FRMD4A: variants seen among roughly 807,000 people sequenced by gnomAD.
FRMD4A encodes the protein FERM domain containing 4A.
In FRMD4A, 29 loss-of-function variants were observed where a neutral mutation model predicts 129.1. The observed-to-expected ratio is 0.22, with a 90% CI of 0.17 to 0.31. The LOEUF is 0.31. FRMD4A is among the 10% of genes least tolerant of loss of function. FRMD4A has a pLI of 1.00. For synonymous variants in FRMD4A, 634 were observed against 571.6 expected (o/e 1.11, Z -1.56); for missense variants, 1,272 against 1,375.8 (o/e 0.92, Z 1.19).
intron 2 of FRMD4A, among the ~76,000 whole-genome samples, chr10:14,138,217 G>A (rs1839645217): frequency 6.6e-6 from 1 of 152,152 alleles, no homozygotes; most frequent in Non-Finnish European, 1.5e-5. Context: ...CCCAGTGTCA[G>A]GTGTTGGTAA....
intron 2 of FRMD4A, among the ~76,000 whole-genome samples, chr10:14,151,028 T>G (rs1191048676): frequency 1.3e-5 from 2 of 152,184 alleles, no homozygotes. Flanking sequence ...GAGTCTAAGA[T>G]TGAGGTTATT....
chr10:14,086,244 C>G (rs1225485606), intron 2 of FRMD4A, among the ~76,000 whole-genome samples: 1 of 152,196 alleles, frequency 6.6e-6, no homozygotes, highest in East Asian at 1.9e-4. Context: ...GGTTTCTACC[C>G]TGGTAATAAA....
At position 13,971,419 on chromosome 10, in the gene FRMD4A, G is replaced by A. The variant is rs577600892; in HGVS notation, c.46-112507C>T. 5.3e-5 allele frequency among the ~76,000 whole-genome samples: 8 copies of A among 152,256 alleles called. No individual in the cohort carries two copies. The South Asian group carries it at 8.3e-4, about 16-fold the overall frequency. On this transcript the variant is annotated intron_variant, in intron 2 of 24. Transcript: ENST00000357447. Reference sequence around the variant, plus strand: ...AAGATGGTGACATAGGCACTTCCTCGATCCGGTGGCTTTGAAAGCTGAATT... The same window carrying A: ...AAGATGGTGACATAGGCACTTCCTCAATCCGGTGGCTTTGAAAGCTGAATT...
At chr10:13,714,031 T>TATATAAAATATATA (rs1340745954) in intron 12 of FRMD4A, among the ~76,000 whole-genome samples, 2 of 30,614 alleles carry the variant, frequency 6.5e-5, no homozygotes, top group South Asian at 7.7e-4. Flanking sequence ...AATATACATA[T>TATATAAAATATATA]ATATATATAT....
chr10:14,080,975 T>C (rs1835895982), intron 2 of FRMD4A, among the ~76,000 whole-genome samples: 1 of 151,940 alleles, frequency 6.6e-6, no homozygotes, highest in Admixed American at 6.6e-5. Flanking sequence ...GTCATCTCTG[T>C]AAGTGGAGAC....
chr10:13,847,424 A>T (rs891528345), intron 3 of FRMD4A, among the ~76,000 whole-genome samples: 3 of 152,134 alleles, frequency 2.0e-5, no homozygotes, highest in Non-Finnish European at 4.4e-5. Flanking sequence ...ATTTCCCCAG[A>T]CCGTTCGCTT....
At chr10:13,928,737 C>T (rs530852436) in intron 2 of FRMD4A, among the ~76,000 whole-genome samples, 1 of 152,234 alleles carries the variant, frequency 6.6e-6, no homozygotes, top group Admixed American at 6.5e-5. Flanking sequence ...GAAAGTCATG[C>T]CCCATCCCTT....
intron 2 of FRMD4A, chr10:13,972,253 C>T (rs776735035): frequency 8.4e-4 from 837 of 992,406 alleles, no homozygotes; most frequent in Admixed American, 1.5e-3. Context: ...CTGCAGCCTT[C>T]CCTGCAACAT....
intron 2 of FRMD4A, among the ~76,000 whole-genome samples, chr10:14,322,621 T>C (rs1843105721): frequency 6.6e-6 from 1 of 152,176 alleles, no homozygotes; most frequent in South Asian, 2.1e-4. Flanking sequence ...GAGGCTAAGA[T>C]TTCAATATCC....
At chr10:14,200,115 G>T (rs1375686296) in intron 2 of FRMD4A, among the ~76,000 whole-genome samples, 1 of 148,030 alleles carries the variant, frequency 6.8e-6, no homozygotes, top group Non-Finnish European at 1.5e-5. Flanking sequence ...ACAGCCATGA[G>T]CTCCTGGGCT....
intron 2 of FRMD4A, among the ~76,000 whole-genome samples, chr10:14,282,864 G>T (rs192040332): frequency 6.6e-6 from 1 of 152,138 alleles, no homozygotes; most frequent in Admixed American, 6.5e-5. Flanking sequence ...ACTGCTCTGA[G>T]GGACACCTTA....
chr10:14,296,385 G>A lies in FRMD4A; in HGVS notation c.45+33673C>T, dbSNP rs201261782. ...ATTCTCTGCTCAACCTCATTCCCCTGGCTGTCTCCTGAGAACAGCCCTCCT... is the reference window on the plus strand; with the variant it reads ...ATTCTCTGCTCAACCTCATTCCCCTAGCTGTCTCCTGAGAACAGCCCTCCT... On this transcript the variant is annotated intron_variant, in intron 2 of 24. Transcript: ENST00000357447. Among the ~76,000 whole-genome samples, 8 of 152,244 alleles carry A rather than the reference G, an allele frequency of 5.3e-5. No individual in the cohort carries two copies. The East Asian group carries it at 1.5e-3, about 29-fold the overall frequency.
intron 2 of FRMD4A, among the ~76,000 whole-genome samples, chr10:14,304,481 G>A (rs12248835): frequency 0.017 from 2,529 of 152,226 alleles, 54 homozygotes; most frequent in African/African-American, 0.047. Context: ...TTCATCATAC[G>A]CTTGTTCATG....
chr10:14,090,108 A>T (rs1836574418), intron 2 of FRMD4A, among the ~76,000 whole-genome samples: 1 of 152,166 alleles, frequency 6.6e-6, no homozygotes, highest in Non-Finnish European at 1.5e-5. Context: ...TATAGCAGGG[A>T]TCTAGAAATA....
intron 2 of FRMD4A, among the ~76,000 whole-genome samples, chr10:14,328,778 G>A (rs1253487110): frequency 6.6e-6 from 1 of 152,050 alleles, no homozygotes; most frequent in East Asian, 1.9e-4. Flanking sequence ...CTCAGTGATG[G>A]AATGAAAATT....
At chr10:14,241,745 G>A (rs1321705541) in intron 2 of FRMD4A, among the ~76,000 whole-genome samples, 2 of 129,082 alleles carry the variant, frequency 1.5e-5, no homozygotes, top group East Asian at 2.4e-4. Flanking sequence ...ATTAAACAGA[G>A]GTGTTGCCAG....
intron 2 of FRMD4A, among the ~76,000 whole-genome samples, chr10:14,194,609 T>TCAA (rs1046419901): frequency 1.2e-4 from 19 of 152,042 alleles, no homozygotes; most frequent in East Asian, 5.8e-4. Flanking sequence ...AGACTCTGTC[T>TCAA]CAACAACAAC....
At chr10:13,847,704 A>T (rs2094073406) in intron 3 of FRMD4A, among the ~76,000 whole-genome samples, 1 of 152,210 alleles carries the variant, frequency 6.6e-6, no homozygotes, top group South Asian at 2.1e-4. Context: ...CTGAGGAAGA[A>T]CACTCAGCCC....
intron 2 of FRMD4A, among the ~76,000 whole-genome samples, chr10:14,016,577 A>C (rs1322071258): frequency 1.3e-5 from 2 of 152,202 alleles, no homozygotes; most frequent in African/African-American, 2.4e-5. Context: ...AGTGGTAAAC[A>C]GACTTCTTCT....
Sources: allele counts gnomAD v4.1 joint callset (sites outside exome capture counted in the v4.1 genomes callset), GRCh38; gene constraint gnomAD v4.1.1; transcripts MANE v1.5; gene names NCBI Gene and HGNC (gene_info 2026-07-23, HGNC 2026-07-21).